Variants in SUGCT observed in about 807,000 individuals in gnomAD.
The protein encoded by SUGCT is succinyl-CoA:glutarate-CoA transferase, also known as succinyl-CoA:glutarate CoA-transferase.
Under a neutral mutation model 55.0 loss-of-function variants are expected in SUGCT, and 41 were observed. That is an observed-to-expected ratio of 0.74 (90% CI 0.58 to 0.97). The LOEUF is 0.97. Among genes scored for constraint, SUGCT ranks in the 50% least tolerant of loss-of-function variants. SUGCT has a pLI of 0.00. For synonymous variants in SUGCT, 187 were observed against 200.4 expected, an observed-to-expected ratio of 0.93 and a Z score of 0.56; for missense variants, 568 against 547.8, an observed-to-expected ratio of 1.04 and a Z score of -0.37.
Position 40,660,083 on chromosome 7 carries a change from A to G in SUGCT, c.1090-89351A>G, listed in dbSNP as rs372896671. ...TATAACAAATTAACACCAAAATTTG[A>G]ATGGCATATTCACCTTCAGTTTATA... On this transcript the variant is annotated intron_variant, in intron 12 of 13. Transcript: ENST00000335693. Among the ~76,000 whole-genome samples the G allele has an allele frequency of 1.1e-4, 16 of 152,334 alleles. No individual in the cohort carries two copies. In the East Asian group the frequency reaches 2.1e-3, roughly 20 times the overall value.
At chr7:40,676,341 T>C (rs773821852) in intron 12 of SUGCT, among the ~76,000 whole-genome samples, 4 of 152,176 alleles carry the variant, frequency 2.6e-5, no homozygotes, top group Non-Finnish European at 5.9e-5. Context: ...AAGTGAAATA[T>C]GTTTTATGAG....
At chr7:40,918,460 C>CAA in the SUGCT span, among the ~76,000 whole-genome samples, 10,577 of 101,562 alleles carry the variant, frequency 0.1, 703 homozygotes, top group East Asian at 0.18. Flanking sequence ...GACTCTGTCT[C>CAA]AAAAAAAAAA....
chr7:40,940,307 A>G, the SUGCT span, among the ~76,000 whole-genome samples: 1 of 152,126 alleles, frequency 6.6e-6, no homozygotes, highest in Non-Finnish European at 1.5e-5. Context: ...GAAGTTCAGT[A>G]ATGTGACACC....
chr7:40,683,916 A>G (rs191750558), intron 12 of SUGCT: 25 of 1,250,932 alleles, frequency 2.0e-5, no homozygotes, highest in Non-Finnish European at 2.6e-5. Context: ...CCAGGCTAAA[A>G]TCAAGGTGCT....
the SUGCT span, among the ~76,000 whole-genome samples, chr7:40,918,624 A>G: frequency 2.0e-4 from 30 of 152,282 alleles, no homozygotes; most frequent in South Asian, 2.5e-3. Context: ...TCCAGGTTGA[A>G]ATGCAATGGA....
chr7:40,742,122 C>T (rs1562974628), intron 12 of SUGCT, among the ~76,000 whole-genome samples: 1 of 151,980 alleles, frequency 6.6e-6, no homozygotes, highest in Non-Finnish European at 1.5e-5. Flanking sequence ...TGTATACACA[C>T]TATATATATG....
rs1283539157 is a variant in SUGCT at position 40,439,064 on chromosome 7, G to GTGTGTA, written c.817-10222_817-10221insGTGTAT. 2.1e-3 allele frequency among the ~76,000 whole-genome samples: 58 copies of GTGTGTA among 27,182 alleles called. 3 individuals are homozygous for GTGTGTA. The highest frequency in any genetic ancestry group is 0.023 in the Middle Eastern group (1 of 44). The allele number at this position is 27,182 out of a possible 152,430, so 17.8% of individuals were successfully genotyped here. ...TATATATATATGGTATATATATGGT[G>GTGTGTA]TATATATATATATATATATATATAT... is the stretch of plus-strand genomic sequence containing the variant. On this transcript the variant is annotated intron_variant, in intron 9 of 13. Transcript: ENST00000335693.
intron 12 of SUGCT, among the ~76,000 whole-genome samples, chr7:40,553,813 C>T (rs1795427262): frequency 6.6e-6 from 1 of 152,150 alleles, no homozygotes; most frequent in Non-Finnish European, 1.5e-5. Flanking sequence ...AGGATGCCTC[C>T]AATGCGAGTA....
intron 8 of SUGCT, among the ~76,000 whole-genome samples, chr7:40,278,827 ATT>A (rs1554300621): frequency 6.4e-5 from 3 of 46,978 alleles, no homozygotes; most frequent in African/African-American, 2.8e-4. Context: ...CAGATCTTAC[ATT>A]TTTTTTTTTT....
intron 6 of SUGCT, among the ~76,000 whole-genome samples, chr7:40,196,702 G>A (rs989349425): frequency 6.6e-6 from 1 of 152,110 alleles, no homozygotes; most frequent in Non-Finnish European, 1.5e-5. Flanking sequence ...GTAATTTTTT[G>A]TGTGTTTTTC....
At chr7:40,475,860 A>C (rs1434598437) in intron 11 of SUGCT, among the ~76,000 whole-genome samples, 1 of 152,158 alleles carries the variant, frequency 6.6e-6, no homozygotes, top group African/African-American at 2.4e-5. Flanking sequence ...AACCCAAATA[A>C]TTGATCTATA....
chr7:40,268,907 G>A (rs1443966943), intron 7 of SUGCT, among the ~76,000 whole-genome samples: 1 of 152,208 alleles, frequency 6.6e-6, no homozygotes, highest in Non-Finnish European at 1.5e-5. Flanking sequence ...AAAGTGCTGG[G>A]ATTACAGGCA....
intron 9 of SUGCT, among the ~76,000 whole-genome samples, chr7:40,410,204 C>A (rs957988370): frequency 9.9e-5 from 15 of 152,084 alleles, no homozygotes; most frequent in Non-Finnish European, 1.9e-4. Flanking sequence ...AGTTGAAATT[C>A]ACATGTCTTG....
intron 9 of SUGCT, among the ~76,000 whole-genome samples, chr7:40,364,765 A>T (rs1783837728): frequency 6.6e-6 from 1 of 152,092 alleles, no homozygotes; most frequent in Admixed American, 6.6e-5. Context: ...TTGTGGCAAT[A>T]ATCAATAGCT....
the SUGCT span, among the ~76,000 whole-genome samples, chr7:41,036,428 TGA>T: frequency 9.8e-5 from 15 of 152,298 alleles, no homozygotes; most frequent in South Asian, 3.1e-3. Context: ...AACTGGTTGG[TGA>T]GTTTAATGAC....
At chr7:40,944,844 T>C in the SUGCT span, among the ~76,000 whole-genome samples, 1 of 152,184 alleles carries the variant, frequency 6.6e-6, no homozygotes, top group Non-Finnish European at 1.5e-5. Flanking sequence ...TTACAGTTTA[T>C]TGAAACTTAA....
At chr7:40,612,935 A>G (rs1562899836) in intron 12 of SUGCT, among the ~76,000 whole-genome samples, 1 of 152,100 alleles carries the variant, frequency 6.6e-6, no homozygotes, top group South Asian at 2.1e-4. Context: ...GAGTTCGAGA[A>G]CAGCCTGGCC....
the SUGCT span, among the ~76,000 whole-genome samples, chr7:40,900,369 T>C: frequency 5.9e-5 from 9 of 152,240 alleles, no homozygotes; most frequent in African/African-American, 1.9e-4. Flanking sequence ...TGACTAAGCC[T>C]CTTTATGCCT....
chr7:40,172,386 C>G (rs1245040318), intron 1 of SUGCT, among the ~76,000 whole-genome samples: 1 of 152,088 alleles, frequency 6.6e-6, no homozygotes, highest in African/African-American at 2.4e-5. Context: ...GGAGGGGCAC[C>G]AGGGACAAGA....
Sources: allele counts gnomAD v4.1 joint callset (sites outside exome capture counted in the v4.1 genomes callset), GRCh38; gene constraint gnomAD v4.1.1; transcripts MANE v1.5; gene names NCBI Gene and HGNC (gene_info 2026-07-23, HGNC 2026-07-21).